The following PKP4 variants were observed in gnomAD, a reference collection of about 807,000 sequenced individuals.
The protein encoded by PKP4 is plakophilin 4.
In PKP4, 90 loss-of-function variants were observed where a neutral mutation model predicts 145.1. The ratio of observed to expected loss-of-function variants is 0.62; its 90% CI spans 0.52 to 0.74. PKP4 has a LOEUF of 0.74. Among genes scored for constraint, PKP4 ranks in the 30% least tolerant of loss-of-function variants. PKP4 has a pLI of 0.00. For missense variants in PKP4, 1,340 were observed against 1,482.7 expected (o/e 0.90, Z 1.58); for synonymous variants, 563 against 577.2 (o/e 0.98, Z 0.35).
chr2:158,489,591 A>T (rs1025514370), intron 1 of PKP4, among the ~76,000 whole-genome samples: 3 of 152,190 alleles, frequency 2.0e-5, no homozygotes, highest in Non-Finnish European at 4.4e-5. Flanking sequence ...CCTTAGCTGG[A>T]TGCAGGGTTT....
chr2:158,524,346 G>T (rs2042740707), intron 1 of PKP4, among the ~76,000 whole-genome samples: 1 of 58,792 alleles, frequency 1.7e-5, no homozygotes, highest in Non-Finnish European at 3.2e-5. Context: ...TTAAAGAAAA[G>T]AATTTTCAAC....
chr2:158,620,752 T>C (rs900128311), intron 4 of PKP4, among the ~76,000 whole-genome samples: 1 of 152,166 alleles, frequency 6.6e-6, no homozygotes, highest in African/African-American at 2.4e-5. Context: ...TGATTTAATA[T>C]TGAGACTTAC....
At chr2:158,527,333 A>T (rs1426430817) in intron 1 of PKP4, among the ~76,000 whole-genome samples, 4 of 143,462 alleles carry the variant, frequency 2.8e-5, no homozygotes, top group Admixed American at 1.4e-4. Flanking sequence ...ATAACGCTGC[A>T]TACCTACAAC....
intron 1 of PKP4, among the ~76,000 whole-genome samples, chr2:158,527,283 CAG>C (rs1248248697): frequency 6.8e-6 from 1 of 146,122 alleles, no homozygotes; most frequent in East Asian, 2.0e-4. Flanking sequence ...GGTACCAAAA[CAG>C]AGATATAGAT....
intron 1 of PKP4, among the ~76,000 whole-genome samples, chr2:158,460,686 A>G (rs536230366): frequency 3.3e-5 from 5 of 152,322 alleles, no homozygotes; most frequent in African/African-American, 1.2e-4. Context: ...TCATATCTTC[A>G]TTCTTAAATG....
intron 2 of PKP4, among the ~76,000 whole-genome samples, chr2:158,556,523 C>T (rs199601581): frequency 1.4e-5 from 2 of 144,334 alleles, no homozygotes; most frequent in Non-Finnish European, 1.5e-5. Flanking sequence ...CTCTTTCTCT[C>T]TTTTTTTTTT....
chr2:158,672,957 T>C (rs927977221), intron 17 of PKP4, among the ~76,000 whole-genome samples: 1 of 152,344 alleles, frequency 6.6e-6, no homozygotes, highest in East Asian at 1.9e-4. Flanking sequence ...GGGCTAACTC[T>C]GCAAGCACTG....
intron 4 of PKP4, among the ~76,000 whole-genome samples, chr2:158,605,441 T>C (rs2050577425): frequency 6.6e-6 from 1 of 152,200 alleles, no homozygotes; most frequent in African/African-American, 2.4e-5. Context: ...TGACAAGAAC[T>C]ATTTTTGATT....
At chr2:158,628,572 A>G (rs2053040068) in intron 7 of PKP4, among the ~76,000 whole-genome samples, 1 of 152,216 alleles carries the variant, frequency 6.6e-6, no homozygotes, top group African/African-American at 2.4e-5. Context: ...TTCCCATTAT[A>G]GCCTATCACA....
chr2:158,589,268 C>CCCCT (rs796540332), intron 3 of PKP4, among the ~76,000 whole-genome samples: 3 of 152,138 alleles, frequency 2.0e-5, no homozygotes, highest in African/African-American at 7.2e-5. Context: ...GTGTGTTTTG[C>CCCCT]TTTGATTTGG....
Position 158,676,923 on chromosome 2 carries a change from G to T in PKP4, c.3256+56G>T, listed in dbSNP as rs553455823. The T allele has an allele frequency of 2.1e-5, 34 of 1,608,936 alleles. No homozygotes were observed. The South Asian group carries it at 3.1e-4, about 15-fold the overall frequency. ...CTCTTGAAAAGCCGCATTTCCAGGC[G>T]CTTGGCCAGTGGCCTGGGAAGTAGC... On this transcript the variant is annotated intron_variant, in intron 20 of 21. Transcript: ENST00000389759.
At chr2:158,585,853 A>G (rs1465930691) in intron 3 of PKP4, among the ~76,000 whole-genome samples, 1 of 150,154 alleles carries the variant, frequency 6.7e-6, no homozygotes, top group Non-Finnish European at 1.5e-5. Context: ...TTGTGCAACC[A>G]TCACCACTAC....
chr2:158,626,484 C>A (rs1341315005), intron 7 of PKP4, among the ~76,000 whole-genome samples: 1 of 152,124 alleles, frequency 6.6e-6, no homozygotes, highest in Non-Finnish European at 1.5e-5. Context: ...ACATTGTTCT[C>A]CCTGCATATT....
In PKP4 at chr2:158,588,698, C is replaced by A. The variant is rs367591790; in HGVS notation, c.245+11315C>A. On this transcript the variant is annotated intron_variant, in intron 3 of 21. Coordinates refer to ENST00000389759, the MANE Select transcript of PKP4 (RefSeq NM_003628.6). ...GTGGAAGAAATAACTTTCTTTCTAC[C>A]TATAATATAATAATAAATCTCAAAT... Among the ~76,000 whole-genome samples, 20 of 152,230 alleles carry A rather than the reference C, an allele frequency of 1.3e-4. 2 individuals carry two copies. The highest frequency in any genetic ancestry group is 1.2e-3 in the South Asian group (6 of 4,820).
intron 21 of PKP4, chr2:158,678,859 A>G (rs2058241554): frequency 5.0e-6 from 3 of 596,032 alleles, no homozygotes; most frequent in Admixed American, 3.0e-5. Flanking sequence ...CCACATCGGT[A>G]CTGCTGAGAC....
intron 11 of PKP4, 105 bp from the exon 12 acceptor site, chr2:158,658,026 G>C: frequency 5.6e-6 from 4 of 713,762 alleles, no homozygotes; most frequent in Non-Finnish European, 9.5e-6. Context: ...CCATAGATTA[G>C]GTTTGGAACA....
intron 4 of PKP4, among the ~76,000 whole-genome samples, chr2:158,614,355 G>A (rs1448874876): frequency 1.3e-5 from 2 of 152,148 alleles, no homozygotes; most frequent in African/African-American, 4.8e-5. Flanking sequence ...GTGTGCTGGA[G>A]TGACATGGTA....
intron 1 of PKP4, among the ~76,000 whole-genome samples, chr2:158,478,336 A>G (rs1192121874): frequency 6.6e-6 from 1 of 151,738 alleles, no homozygotes; most frequent in African/African-American, 2.4e-5. Context: ...TGGGGTTTTC[A>G]CAAGCAGATG....
chr2:158,504,843 C>T (rs1697084763), intron 1 of PKP4, among the ~76,000 whole-genome samples: 1 of 152,140 alleles, frequency 6.6e-6, no homozygotes. Flanking sequence ...GTTGAAATCT[C>T]TTTAGTGCTT....
Sources: gnomAD v4.1 joint callset for allele counts (sites outside exome capture counted in the v4.1 genomes callset) on GRCh38, gnomAD v4.1.1 for gene constraint, MANE v1.5 for transcripts, NCBI Gene and HGNC (gene_info 2026-07-23, HGNC 2026-07-21) for gene names.